Variants in MBD5 observed in about 807,000 individuals in gnomAD.
The protein encoded by MBD5 is methyl-CpG binding domain protein 5.
A neutral mutation model predicts 117.3 loss-of-function variants in MBD5; 13 were observed. The observed-to-expected ratio is 0.11, with a 90% CI of 0.07 to 0.18. MBD5 has a LOEUF of 0.18. MBD5 is among the 10% of genes least tolerant of loss of function. MBD5 has a pLI of 1.00. For missense variants in MBD5, 1,879 were observed against 2,093.8 expected (o/e 0.90, Z 2.00); for synonymous variants, 727 against 766.4 (o/e 0.95, Z 0.85).
At chr2:148,491,805 T>C (rs1248929941) in intron 11 of MBD5, among the ~76,000 whole-genome samples, 1 of 152,064 alleles carries the variant, frequency 6.6e-6, no homozygotes, top group African/African-American at 2.4e-5. Flanking sequence ...AACCTAAATA[T>C]TTTTGACAGT....
chr2:148,431,326 A>G (rs1388962843), intron 4 of MBD5, among the ~76,000 whole-genome samples: 2 of 152,152 alleles, frequency 1.3e-5, no homozygotes, highest in African/African-American at 4.8e-5. Context: ...ACCACTTTGG[A>G]AACAACACAA....
At chr2:148,312,055 G>A (rs1248599464) in intron 3 of MBD5, among the ~76,000 whole-genome samples, 6 of 152,132 alleles carry the variant, frequency 3.9e-5, no homozygotes, top group African/African-American at 7.2e-5. Context: ...TGGGTAACTT[G>A]ACCTTTCACT....
Position 148,100,336 on chromosome 2 carries a change from T to C in MBD5, c.-924-78364T>C, listed in dbSNP as rs1696175736. Among the ~76,000 whole-genome samples, 3 of 152,334 alleles carry C rather than the reference T, an allele frequency of 2.0e-5. No individual in the cohort carries two copies. The South Asian group carries it at 6.2e-4, about 32-fold the overall frequency. On this transcript the variant is annotated intron_variant, in intron 1 of 13. Transcript: ENST00000642680. ...ACTCAGTTATCAGGTATACTCAGAT[T>C]TTCCTATAAGTTCAAACCTCTATTT...
chr2:148,152,372 T>C (rs1697703350), intron 1 of MBD5, among the ~76,000 whole-genome samples: 1 of 152,160 alleles, frequency 6.6e-6, no homozygotes, highest in African/African-American at 2.4e-5. Flanking sequence ...TTGTGGTCAA[T>C]TTGGAATAGG....
At chr2:148,228,835 T>C (rs1699906937) in intron 2 of MBD5, among the ~76,000 whole-genome samples, 1 of 152,232 alleles carries the variant, frequency 6.6e-6, no homozygotes, top group Non-Finnish European at 1.5e-5. Flanking sequence ...GGTTTAGTCT[T>C]GGGAGAGTGT....
At chr2:148,139,779 C>T (rs561821283) in intron 1 of MBD5, among the ~76,000 whole-genome samples, 23 of 152,260 alleles carry the variant, frequency 1.5e-4, no homozygotes, top group African/African-American at 3.9e-4. Context: ...CAGATGTACA[C>T]GTACTGGTGC....
At chr2:148,139,380 A>G (rs1697252953) in intron 1 of MBD5, among the ~76,000 whole-genome samples, 1 of 151,934 alleles carries the variant, frequency 6.6e-6, no homozygotes, top group South Asian at 2.1e-4. Flanking sequence ...CTAATTTTGT[A>G]TTTTTAGTAG....
chr2:148,170,098 C>A (rs1043638189), intron 1 of MBD5, among the ~76,000 whole-genome samples: 1 of 152,102 alleles, frequency 6.6e-6, no homozygotes, highest in African/African-American at 2.4e-5. Flanking sequence ...GGGGTTTCAC[C>A]GTTTTAGCCA....
chr2:148,271,130 T>C (rs1166129090), intron 3 of MBD5, among the ~76,000 whole-genome samples: 2 of 152,178 alleles, frequency 1.3e-5, no homozygotes, highest in Non-Finnish European at 2.9e-5. Context: ...ATGTTTCAGT[T>C]TCCTCTTTGG....
At chr2:148,229,459 A>C (rs1699928344) in intron 2 of MBD5, among the ~76,000 whole-genome samples, 1 of 152,168 alleles carries the variant, frequency 6.6e-6, no homozygotes, top group Admixed American at 6.5e-5. Flanking sequence ...CTGTCTGAAA[A>C]GTCACATATC....
intron 1 of MBD5, among the ~76,000 whole-genome samples, chr2:148,167,572 C>A (rs1285808877): frequency 6.6e-6 from 1 of 152,006 alleles, no homozygotes; most frequent in African/African-American, 2.4e-5. Context: ...TGAAATTTAT[C>A]TTTATAATAG....
intron 2 of MBD5, among the ~76,000 whole-genome samples, chr2:148,232,183 A>G (rs974692025): frequency 6.6e-6 from 1 of 152,256 alleles, no homozygotes; most frequent in Non-Finnish European, 1.5e-5. Flanking sequence ...AAGGCTACAG[A>G]ATACGAAACA....
intron 1 of MBD5, among the ~76,000 whole-genome samples, chr2:148,103,445 C>T (rs933911611): frequency 2.6e-5 from 4 of 152,246 alleles, no homozygotes; most frequent in East Asian, 1.9e-4. Context: ...ATACTCTCTC[C>T]GAAGCTCATC....
At chr2:148,333,287 T>C (rs1443866775) in intron 3 of MBD5, among the ~76,000 whole-genome samples, 1 of 152,146 alleles carries the variant, frequency 6.6e-6, no homozygotes, top group African/African-American at 2.4e-5. Context: ...CTCGATAACA[T>C]GTAATTGGGG....
intron 4 of MBD5, among the ~76,000 whole-genome samples, chr2:148,370,101 A>G (rs1367618051): frequency 2.0e-5 from 3 of 152,202 alleles, no homozygotes; most frequent in Non-Finnish European, 4.4e-5. Flanking sequence ...TAGATTACAT[A>G]TTAAATTGAG....
At chr2:148,378,606 T>C (rs1392611477) in intron 4 of MBD5, among the ~76,000 whole-genome samples, 4 of 152,078 alleles carry the variant, frequency 2.6e-5, no homozygotes, top group African/African-American at 9.7e-5. Context: ...AGAAATACTG[T>C]TTTTCTATTA....
intron 1 of MBD5, among the ~76,000 whole-genome samples, chr2:148,089,576 A>G (rs1018833167): frequency 6.6e-6 from 1 of 152,158 alleles, no homozygotes; most frequent in African/African-American, 2.4e-5. Flanking sequence ...AAATTAAAGA[A>G]TCTGCTCCTG....
At chr2:148,162,740 G>T (rs1574083606) in intron 1 of MBD5, among the ~76,000 whole-genome samples, 1 of 149,044 alleles carries the variant, frequency 6.7e-6, no homozygotes, top group East Asian at 1.9e-4. Context: ...AAACAAAAAA[G>T]AATATAATTC....
At chr2:148,059,806 A>G (rs1694977614) in intron 1 of MBD5, among the ~76,000 whole-genome samples, 1 of 151,720 alleles carries the variant, frequency 6.6e-6, no homozygotes. Context: ...AGATCGCGCC[A>G]CTGCACCCCA....
Sources: gnomAD v4.1 joint callset for allele counts (sites outside exome capture counted in the v4.1 genomes callset) on GRCh38, gnomAD v4.1.1 for gene constraint, MANE v1.5 for transcripts, NCBI Gene and HGNC (gene_info 2026-07-23, HGNC 2026-07-21) for gene names.